The following CEP112 variants were observed in gnomAD, a reference collection of about 807,000 sequenced individuals.
CEP112 encodes centrosomal protein 112.
In CEP112, 127 loss-of-function variants were observed where a neutral mutation model predicts 153.0. That is an observed-to-expected ratio of 0.83 (90% confidence interval 0.72 to 0.96). The LOEUF (loss-of-function observed/expected upper bound fraction) is 0.96. Among genes scored for constraint, CEP112 ranks in the 40% least tolerant of loss-of-function variants. The pLI is 0.00. For synonymous variants in CEP112, 358 were observed against 374.4 expected, an observed-to-expected ratio of 0.96 and a Z score of 0.51; for missense variants, 1,089 against 1,101.2, an observed-to-expected ratio of 0.99 and a Z score of 0.16.
intron 12 of CEP112, among the ~76,000 whole-genome samples, chr17:66,036,695 C>CA (rs2065754406): frequency 6.6e-6 from 1 of 152,020 alleles, no homozygotes; most frequent in South Asian, 2.1e-4. Context: ...TGGTAAGCAG[C>CA]AAAAAAGAAT....
intron 4 of CEP112, among the ~76,000 whole-genome samples, chr17:66,149,882 TTG>T (rs1568549302): frequency 1.7e-5 from 1 of 59,866 alleles, no homozygotes; most frequent in African/African-American, 6.2e-5. Context: ...TTTTTTTTGT[TTG>T]TTTGTTTTTT....
chr17:65,703,876 G>A (rs141777370), intron 23 of CEP112, among the ~76,000 whole-genome samples: 41 of 151,298 alleles, frequency 2.7e-4, no homozygotes, highest in African/African-American at 7.0e-4. Context: ...TAATGATTCC[G>A]AAGGCTTCCC....
chr17:65,936,867 C>A (rs886697987), intron 18 of CEP112, among the ~76,000 whole-genome samples: 24 of 148,410 alleles, frequency 1.6e-4, no homozygotes, highest in South Asian at 4.6e-4. Context: ...TGATGCCGAG[C>A]CGAAGCTGTA....
intron 24 of CEP112, among the ~76,000 whole-genome samples, chr17:65,665,868 T>C (rs1209880952): frequency 2.0e-5 from 3 of 152,026 alleles, no homozygotes; most frequent in South Asian, 4.2e-4. Flanking sequence ...GCCCCAGCAG[T>C]CCCCCAGCAA....
chr17:65,990,620 A>C lies in CEP112; in HGVS notation c.1736+15070T>G, dbSNP rs143928142. ...GCCCAGAGGTGAACCGCTCATCCCA[A>C]AGGTCAGAACTTGAGTTCTAGCAAG... On this transcript the variant is annotated intron_variant, in intron 17 of 26. Transcript: ENST00000535342. Among the ~76,000 whole-genome samples, 497 of 152,314 alleles carry C rather than the reference A, an allele frequency of 3.3e-3. 2 individuals are homozygous for C. Among genetic ancestry groups the C allele is most frequent in the Admixed American group, 7.0e-3 (107 of 15,308 alleles).
chr17:66,120,074 C>A (rs937810914), intron 6 of CEP112, among the ~76,000 whole-genome samples: 2 of 152,190 alleles, frequency 1.3e-5, no homozygotes, highest in African/African-American at 4.8e-5. Context: ...ACTGGCCTCA[C>A]AACACAAATT....
intron 24 of CEP112, among the ~76,000 whole-genome samples, chr17:65,647,090 T>C (rs564596329): frequency 1.3e-5 from 2 of 151,868 alleles, no homozygotes; most frequent in South Asian, 4.2e-4. Context: ...CAGTGAAGGA[T>C]ACATGTAAAT....
intron 23 of CEP112, among the ~76,000 whole-genome samples, chr17:65,712,846 A>C (rs887416695): frequency 3.3e-5 from 5 of 152,204 alleles, no homozygotes; most frequent in Non-Finnish European, 5.9e-5. Flanking sequence ...GCAAGAACCA[A>C]GTAAGGCAGA....
intron 12 of CEP112, among the ~76,000 whole-genome samples, chr17:66,045,245 T>C (rs1400405791): frequency 6.6e-6 from 1 of 151,968 alleles, no homozygotes; most frequent in Non-Finnish European, 1.5e-5. Flanking sequence ...AATTTTTTTA[T>C]TTTTTGTAGA....
At chr17:65,650,667 G>A (rs560569253) in intron 24 of CEP112, among the ~76,000 whole-genome samples, 104 of 148,666 alleles carry the variant, frequency 7.0e-4, no homozygotes, top group African/African-American at 2.5e-3. Context: ...AGGCCAAGGT[G>A]GGCAGATCAC....
chr17:65,771,423 G>A (rs1342867028), intron 21 of CEP112, among the ~76,000 whole-genome samples: 3 of 152,062 alleles, frequency 2.0e-5, no homozygotes, highest in African/African-American at 4.8e-5. Context: ...GGATAAATAG[G>A]CAAATTCACA....
At chr17:65,950,738 G>T (rs1021862097) in intron 18 of CEP112, among the ~76,000 whole-genome samples, 9 of 151,330 alleles carry the variant, frequency 5.9e-5, no homozygotes, top group Non-Finnish European at 1.2e-4. Context: ...AGTAGTAGTA[G>T]TATTTTGCCT....
intron 20 of CEP112, among the ~76,000 whole-genome samples, chr17:65,888,966 T>A (rs998376685): frequency 6.6e-6 from 1 of 152,172 alleles, no homozygotes; most frequent in Non-Finnish European, 1.5e-5. Flanking sequence ...AGAATTGAGT[T>A]TGTGCTTCAT....
chr17:65,715,116 G>C, intron 23 of CEP112, among the ~76,000 whole-genome samples: 1 of 152,156 alleles, frequency 6.6e-6, no homozygotes, highest in East Asian at 1.9e-4. Flanking sequence ...CAACTCATGT[G>C]ATGTAGGAAG....
chr17:65,666,557 T>G (rs1409756909), intron 24 of CEP112, among the ~76,000 whole-genome samples: 1 of 152,174 alleles, frequency 6.6e-6, no homozygotes, highest in Non-Finnish European at 1.5e-5. Context: ...TCTTAATTGA[T>G]GCAAGCCATC....
chr17:65,900,904 CA>C (rs1248829660), intron 20 of CEP112, among the ~76,000 whole-genome samples: 3 of 152,098 alleles, frequency 2.0e-5, no homozygotes, highest in African/African-American at 7.2e-5. Flanking sequence ...GGTAGCAAGC[CA>C]GCGTAAAACA....
intron 17 of CEP112, among the ~76,000 whole-genome samples, chr17:65,995,014 C>A (rs575178384): frequency 6.6e-6 from 1 of 152,240 alleles, no homozygotes; most frequent in Admixed American, 6.5e-5. Flanking sequence ...CAGTTCTGTG[C>A]CCCAGGGGTG....
rs781369618 is a variant in CEP112 at position 65,743,129 on chromosome 17, A to G, written c.2546T>C (p.Val849Ala). Residue 849 changes from valine to alanine, a missense_variant, in exon 23 of 27, where the codon GTT becomes GCT. Coordinates refer to ENST00000535342, the MANE Select transcript of CEP112 (RefSeq NM_001199165.4). ...QLAAERRLQDVRQKFEDEKKQ... is the reference protein window; with the variant it reads ...QLAAERRLQDARQKFEDEKKQ... The stretch of plus-strand genomic sequence containing the variant: ...CTTCTCATCTTCAAACTTTTGTCTA[A>G]CATCCTGGAGCCGCCTTTCTGCAGC... 3.1e-6 allele frequency: 5 copies of G among 1,612,910 alleles called. No homozygotes were observed. Among genetic ancestry groups the G allele is most frequent in the Non-Finnish European group, 4.2e-6 (5 of 1,179,560 alleles).
At chr17:66,039,005 T>C (rs2065862181) in intron 12 of CEP112, among the ~76,000 whole-genome samples, 1 of 151,740 alleles carries the variant, frequency 6.6e-6, no homozygotes, top group Non-Finnish European at 1.5e-5. Context: ...TCCAGGAAAA[T>C]TTTCAGAGAG....
Sources: gnomAD v4.1 joint callset for allele counts (sites outside exome capture counted in the v4.1 genomes callset) on GRCh38, gnomAD v4.1.1 for gene constraint, MANE v1.5 for transcripts, NCBI Gene and HGNC (gene_info 2026-07-23, HGNC 2026-07-21) for gene names.